ANK2: variants seen among roughly 807,000 people sequenced by gnomAD.
The protein encoded by ANK2 is ankyrin-2.
Under a neutral mutation model 360.5 loss-of-function variants are expected in ANK2, and 83 were observed. The observed-to-expected ratio is 0.23, with a 90% CI of 0.19 to 0.28. ANK2 has a LOEUF of 0.28. Among genes scored for constraint, ANK2 ranks in the 10% least tolerant of loss-of-function variants. The pLI, the probability that ANK2 is intolerant of heterozygous loss-of-function variation, is 1.00. For synonymous variants in ANK2, 1,740 were observed against 1,759.5 expected (o/e 0.99, Z 0.28); for missense variants, 4,201 against 4,795.7 (o/e 0.88, Z 3.66).
chr4:113,301,561 A>T (rs2075031332), intron 22 of ANK2, among the ~76,000 whole-genome samples: 1 of 152,148 alleles, frequency 6.6e-6, no homozygotes, highest in African/African-American at 2.4e-5. Flanking sequence ...CATGTTTTAC[A>T]ATAAATCTCT....
At chr4:113,331,294 AT>A (rs1457286258) in intron 27 of ANK2, among the ~76,000 whole-genome samples, 2 of 152,236 alleles carry the variant, frequency 1.3e-5, no homozygotes, top group Non-Finnish European at 2.9e-5. Context: ...CCGATGTCAT[AT>A]TGGGAAGAGG....
chr4:113,076,558 G>A (rs1043465456), intron 1 of ANK2, among the ~76,000 whole-genome samples: 11 of 152,180 alleles, frequency 7.2e-5, no homozygotes, highest in Admixed American at 5.2e-4. Context: ...CACTTTGTGA[G>A]GCTGAGGTGA....
intron 2 of ANK2, among the ~76,000 whole-genome samples, chr4:113,026,609 A>G (rs1276023565): frequency 2.6e-5 from 4 of 152,178 alleles, no homozygotes; most frequent in South Asian, 2.1e-4. Context: ...GAGCATTGGT[A>G]ATTCTGAGGA....
At chr4:112,749,946 G>T in the ANK2 span, among the ~76,000 whole-genome samples, 2 of 152,034 alleles carry the variant, frequency 1.3e-5, no homozygotes, top group African/African-American at 4.8e-5. Flanking sequence ...GGGTTTCACC[G>T]TGTTGGCCAG....
the ANK2 span, among the ~76,000 whole-genome samples, chr4:112,805,351 G>A: frequency 1.8e-4 from 27 of 152,218 alleles, no homozygotes; most frequent in Middle Eastern, 3.4e-3. Context: ...AAGTATTTGC[G>A]GCAGTTGTTA....
the ANK2 span, among the ~76,000 whole-genome samples, chr4:112,786,015 A>AT: frequency 2.0e-5 from 3 of 150,892 alleles, no homozygotes; most frequent in Admixed American, 6.6e-5. Context: ...GAATTTTTGT[A>AT]TTTTTTTGTA....
At chr4:113,118,639 A>G (rs2095083796) in intron 1 of ANK2, among the ~76,000 whole-genome samples, 2 of 152,304 alleles carry the variant, frequency 1.3e-5, no homozygotes, top group South Asian at 2.1e-4. Context: ...AAACTTTCAT[A>G]CTGCTTGTCT....
At chr4:113,101,895 G>T (rs1156567002) in intron 1 of ANK2, among the ~76,000 whole-genome samples, 1 of 152,116 alleles carries the variant, frequency 6.6e-6, no homozygotes, top group African/African-American at 2.4e-5. Context: ...GCAGAGGGAA[G>T]TACACATGCA....
At chr4:113,273,038 T>G (rs1010090425) in intron 14 of ANK2, among the ~76,000 whole-genome samples, 2 of 152,154 alleles carry the variant, frequency 1.3e-5, no homozygotes, top group African/African-American at 4.8e-5. Context: ...TCAGAGAAAT[T>G]TTATCTTCTA....
chr4:112,941,656 TATATATAAATATATATAAAAGG>T (rs928969736), intron 2 of ANK2, among the ~76,000 whole-genome samples: 2 of 145,154 alleles, frequency 1.4e-5, no homozygotes. Context: ...AATATATAGA[TATATATAAATATATATAAAAGG>T]ATATATAAAG....
At chr4:113,071,676 C>CT (rs2154340824) in intron 1 of ANK2, among the ~76,000 whole-genome samples, 1 of 152,278 alleles carries the variant, frequency 6.6e-6, no homozygotes, top group South Asian at 2.1e-4. Context: ...GTGGTACACC[C>CT]TGCTCCTTTC....
At chr4:112,897,741 T>TC (rs1433926393) in intron 1 of ANK2, among the ~76,000 whole-genome samples, 16 of 152,220 alleles carry the variant, frequency 1.1e-4, no homozygotes, top group Admixed American at 5.2e-4. Flanking sequence ...GCATTGCAAT[T>TC]CCCCTTGCTC....
intron 45 of ANK2, chr4:113,378,283 A>G: frequency 2.4e-6 from 1 of 411,028 alleles, no homozygotes; most frequent in Non-Finnish European, 4.3e-6. Flanking sequence ...CCTAAAGAGG[A>G]TAGAAAACTG....
At chr4:112,965,062 T>G (rs1451108379) in intron 2 of ANK2, among the ~76,000 whole-genome samples, 1 of 152,242 alleles carries the variant, frequency 6.6e-6, no homozygotes, top group Admixed American at 6.5e-5. Flanking sequence ...TTTTAATTTT[T>G]TGAGGAACCT....
the ANK2 span, among the ~76,000 whole-genome samples, chr4:112,763,801 T>A: frequency 6.6e-6 from 1 of 152,104 alleles, no homozygotes; most frequent in African/African-American, 2.4e-5. Flanking sequence ...ATTACAGGCG[T>A]GAGCTACCGT....
intron 4 of ANK2, among the ~76,000 whole-genome samples, chr4:113,208,149 C>A (rs778760421): frequency 6.6e-6 from 1 of 151,146 alleles, no homozygotes; most frequent in Non-Finnish European, 1.5e-5. Flanking sequence ...GGGGGTGGAA[C>A]AAGCTCAGGA....
chr4:113,363,469 G>T lies in ANK2; in HGVS notation c.10888G>T (p.Asp3630Tyr). 1 of 1,613,224 alleles carries T rather than the reference G, an allele frequency of 6.2e-7. No individual in the cohort carries two copies. The highest frequency in any genetic ancestry group is 8.5e-7 in the Non-Finnish European group (1 of 1,179,420). The change falls in exon 40 of 46, where the codon GAT (aspartate) becomes TAT (tyrosine). Residue 3630 changes from aspartate (D) to tyrosine (Y), a missense_variant and splice_region_variant. Asp to Tyr is a radical substitution (Grantham distance 160, BLOSUM62 -3). This residue lies in a region of ANK2 where 2,642 missense variants were observed against 2,714.5 expected (regional missense o/e 0.97). Transcript: ENST00000357077. ...AGAGAGGGATGGGAAACATGCTACA[G>T]GTAAGTGGGGAACTATATGCATATT... ...WLERDGKHAT[D>Y]TNLVECLTKI...
At chr4:113,125,267 A>G (rs1452338695) in intron 1 of ANK2, among the ~76,000 whole-genome samples, 1 of 152,118 alleles carries the variant, frequency 6.6e-6, no homozygotes, top group South Asian at 2.1e-4. Context: ...TTATTTTTTC[A>G]TAAATAAATA....
chr4:112,957,915 CG>C (rs2154258244), intron 2 of ANK2, among the ~76,000 whole-genome samples: 1 of 151,620 alleles, frequency 6.6e-6, no homozygotes, highest in East Asian at 2.0e-4. Flanking sequence ...ACCTCCCAGA[CG>C]GGGTCGCGGC....
Sources: allele counts gnomAD v4.1 joint callset (sites outside exome capture counted in the v4.1 genomes callset), GRCh38; gene constraint gnomAD v4.1.1; regional missense constraint gnomAD v4.1.1; transcripts MANE v1.5; gene names NCBI Gene and HGNC (gene_info 2026-07-23, HGNC 2026-07-21).